The following IGSF9B variants were observed in gnomAD, a reference collection of about 807,000 sequenced individuals.
The protein encoded by IGSF9B is protein turtle homolog B.
IGSF9B carries 48 observed loss-of-function variants against 143.7 expected under a neutral mutation model. The ratio of observed to expected loss-of-function variants is 0.33; its 90% CI spans 0.26 to 0.42. The LOEUF is 0.42. Ranked by LOEUF, IGSF9B falls within the 20% of genes least tolerant of loss-of-function variation. The pLI, the probability that IGSF9B is intolerant of heterozygous loss-of-function variation, is 1.00. For missense variants in IGSF9B, 1,706 were observed against 1,980.0 expected, an observed-to-expected ratio of 0.86 and a Z score of 2.63; for synonymous variants, 903 against 833.1, an observed-to-expected ratio of 1.08 and a Z score of -1.44.
Position 133,931,358 on chromosome 11 carries a change from C to A in IGSF9B, c.1368+95G>T. The A allele has an allele frequency of 1.1e-6, 1 of 949,616 alleles. No individual in the cohort carries two copies. The allele number at this position is 949,616 out of a possible 1,614,324, so 58.8% of individuals were successfully genotyped here. A position where few individuals can be genotyped will look rare whatever the true frequency, so the allele number is the denominator to read the frequency against. ...TGGGCCCTCACACCTCCCCTCAGCC[C>A]CGGGGCTCGCTGGGCCCTCAAACCT... On this transcript the variant is annotated intron_variant, in intron 10 of 19. Coordinates refer to ENST00000533871, the MANE Select transcript of IGSF9B (RefSeq NM_001277285.4). The surrounding 1 kb of genome is among the most constrained non-coding windows in gnomAD (Gnocchi z 7.7).
rs1425464985 is a variant in IGSF9B at position 133,906,242 on chromosome 11, C to G, written c.*2827G>C. 6.6e-6 allele frequency among the ~76,000 whole-genome samples: 1 copy of G among 152,232 alleles called. No individual in the cohort carries two copies. The highest frequency in any genetic ancestry group is 1.5e-5 in the Non-Finnish European group (1 of 68,048). On this transcript the variant is annotated 3_prime_UTR_variant, in exon 20 of 20. Transcript: ENST00000533871. Reference sequence around the variant, plus strand: ...CATCACCCACATGCTCACAACCACGCTGTCACACATGCCCACACCCAGCAC... The same window carrying G: ...CATCACCCACATGCTCACAACCACGGTGTCACACATGCCCACACCCAGCAC...
chr11:133,936,646 G>A (rs1409609591), intron 5 of IGSF9B, among the ~76,000 whole-genome samples: 5 of 152,132 alleles, frequency 3.3e-5, no homozygotes, highest in South Asian at 4.1e-4. Context: ...GGGCAGCTGC[G>A]GCCAAGTCTC....
intron 5 of IGSF9B, 46 bp from the exon 6 acceptor site, chr11:133,936,240 G>T: frequency 6.3e-7 from 1 of 1,575,716 alleles, no homozygotes; most frequent in Non-Finnish European, 8.6e-7. Context: ...ATCAGGGACG[G>T]CAGCAGCACC....
At chr11:133,934,928 A>G (rs1207107220) in intron 7 of IGSF9B, among the ~76,000 whole-genome samples, 1 of 152,194 alleles carries the variant, frequency 6.6e-6, no homozygotes, top group South Asian at 2.1e-4. Flanking sequence ...CCACAAATCA[A>G]AAGGAAGATA....
intron 1 of IGSF9B, among the ~76,000 whole-genome samples, chr11:133,955,282 C>T (rs936053570): frequency 2.0e-5 from 3 of 152,200 alleles, no homozygotes; most frequent in African/African-American, 7.2e-5. Flanking sequence ...CTCAGTGTTC[C>T]CACCTGACAA....
intron 18 of IGSF9B, among the ~76,000 whole-genome samples, chr11:133,912,883 C>T (rs1473885246): frequency 1.3e-5 from 2 of 152,184 alleles, no homozygotes; most frequent in East Asian, 3.8e-4. Context: ...AGGACAGGGT[C>T]CACAGTCTGG....
chr11:133,944,251 G>A lies in IGSF9B; in HGVS notation c.378C>T (p.His126=), dbSNP rs746617684. 4.6e-5 allele frequency: 74 copies of A among 1,612,254 alleles called. No homozygotes were observed. Among genetic ancestry groups the A allele is most frequent in the Non-Finnish European group, 5.9e-5 (69 of 1,178,992 alleles). ...LMLDQQYDTF[H]NGSWVHLTIN... ...TGGTGAGGTGGACCCAGCTGCCATT[G>A]TGGAAGGTGTCATACTGCTGGTCCA... The change falls in exon 3 of 20, where the codon CAC becomes CAT. Residue 126 remains histidine, a synonymous_variant. Coordinates refer to ENST00000533871, the MANE Select transcript of IGSF9B (RefSeq NM_001277285.4).
chr11:133,929,846 G>T, intron 11 of IGSF9B, 64 bp from the exon 12 acceptor site: 1 of 1,101,390 alleles, frequency 9.1e-7, no homozygotes, highest in Non-Finnish European at 1.4e-6. Context: ...GGTGCCCACC[G>T]TCTGGCTGTG....
rs371884835 is a variant in IGSF9B at position 133,921,127 on chromosome 11, C to G, written c.2598G>C (p.Glu866Asp). ...GRFVMDPAEMEPSLKSRRIEG... is the reference protein window; with the variant it reads ...GRFVMDPAEMDPSLKSRRIEG... ...CGATGCGCCTGCTCTTCAGCGAGGG[C>G]TCCATCTCGGCAGGGTCCATCACGA... The change falls in exon 18 of 20, where the codon GAG becomes GAC. Residue 866 changes from glutamate (E) to aspartate (D), a missense_variant. This residue lies in a region of IGSF9B where 880 missense variants were observed against 762.9 expected (regional missense o/e 1.15). Coordinates refer to ENST00000533871, the MANE Select transcript of IGSF9B (RefSeq NM_001277285.4). 6.2e-7 allele frequency: 1 copy of G among 1,613,732 alleles called. No individual in the cohort carries two copies. The highest frequency in any genetic ancestry group is 8.5e-7 in the Non-Finnish European group (1 of 1,179,860).
intron 11 of IGSF9B, among the ~76,000 whole-genome samples, 180 bp downstream of exon 11, chr11:133,930,804 G>A (rs575143981): frequency 1.8e-3 from 272 of 152,028 alleles, no homozygotes; most frequent in African/African-American, 6.0e-3. Flanking sequence ...GCCCTTCCCC[G>A]ACAGAGCCCA....
At chr11:133,932,035 C>T (rs932665249) in intron 8 of IGSF9B, 36 bp downstream of exon 8, 24 of 1,589,150 alleles carry the variant, frequency 1.5e-5, no homozygotes, top group African/African-American at 8.0e-5. Flanking sequence ...TGGGGGGAGC[C>T]CTCACTCCAA....
At chr11:133,919,129 T>TGGGGGGGGGG (rs756305133) in intron 18 of IGSF9B, 22 of 175,916 alleles carry the variant, frequency 1.3e-4, no homozygotes, top group Middle Eastern at 1.5e-3. Context: ...GGGGGGGGGG[T>TGGGGGGGGGG]GGGGGACGTG....
chr11:133,911,541 A>G (rs1287369390), intron 19 of IGSF9B, among the ~76,000 whole-genome samples: 2 of 152,250 alleles, frequency 1.3e-5, no homozygotes, highest in Non-Finnish European at 2.9e-5. Context: ...CACTAAAATA[A>G]TAGGATACAT....
intron 13 of IGSF9B, among the ~76,000 whole-genome samples, chr11:133,926,176 G>A (rs908168962): frequency 3.3e-5 from 5 of 152,204 alleles, no homozygotes; most frequent in Non-Finnish European, 5.9e-5. Context: ...GGAACTATGG[G>A]GAAGGAGGAA....
Position 133,945,369 on chromosome 11 carries a change from C to T in IGSF9B, c.262+692G>A, listed in dbSNP as rs548236007. Among the ~76,000 whole-genome samples the T allele has an allele frequency of 3.9e-4, 59 of 152,340 alleles. No homozygotes were observed. Among genetic ancestry groups the T allele is most frequent in the African/African-American group, 1.4e-3 (58 of 41,582 alleles). On this transcript the variant is annotated intron_variant, in intron 2 of 19. Transcript: ENST00000533871. The surrounding 1 kb of genome is among the most constrained non-coding windows in gnomAD (Gnocchi z 4.6). ...AGCATTCTGAGAAAGGCAGGGCAGA[C>T]CTCAGAAGCCACCAGCAAAGATGAA...
intron 1 of IGSF9B, chr11:133,952,036 G>A (rs967706923): frequency 8.8e-6 from 4 of 455,450 alleles, no homozygotes; most frequent in Admixed American, 4.7e-5. Flanking sequence ...AGAAAGCCAG[G>A]CTGAGCGGGA....
Position 133,924,918 on chromosome 11 carries a change from G to T in IGSF9B, c.2035-14C>A. On this transcript the variant is annotated splice_polypyrimidine_tract_variant and intron_variant, in intron 14 of 19. Coordinates refer to ENST00000533871, the MANE Select transcript of IGSF9B (RefSeq NM_001277285.4). ...ATACCACGTGTCCTGCAGCCCCAGG[G>T]ACAATACCCAGTCAGCCGAGGGACC... is the stretch of plus-strand genomic sequence containing the variant. 1 of 1,611,396 alleles carries T rather than the reference G, an allele frequency of 6.2e-7. No homozygotes were observed. The highest frequency in any genetic ancestry group is 8.5e-7 in the Non-Finnish European group (1 of 1,178,318).
rs766942944 is a variant in IGSF9B at position 133,920,398 on chromosome 11, G to A, written c.3327C>T (p.Gly1109=). The part of the protein sequence containing the change: ...APKGWAGKSP[G]RGPVPAPPAA... ...CGGGGGGCGCTGGGACAGGGCCCCT[G>A]CCGGGCGACTTGCCTGCCCAACCCT... The change falls in exon 18 of 20, where the codon GGC becomes GGT. Residue 1109 remains glycine, a synonymous_variant. Transcript: ENST00000533871. The A allele has an allele frequency of 4.4e-5, 71 of 1,597,012 alleles. No homozygotes were observed. Among genetic ancestry groups the A allele is most frequent in the Non-Finnish European group, 5.1e-5 (60 of 1,173,032 alleles).
rs75990128 is a variant in IGSF9B at position 133,913,767 on chromosome 11, C to G, written c.3984-1760G>C. ...AGGGTGCAGGTGCCCGGGCGGGAGG[C>G]AGCACACCTTCCCAGTGTGGATAGC... On this transcript the variant is annotated intron_variant, in intron 18 of 19. Transcript: ENST00000533871. This position sits in a 1 kb window ranked among gnomAD's most constrained non-coding sequence, Gnocchi z 4.6. Among the ~76,000 whole-genome samples the G allele has an allele frequency of 0.034, 5,226 of 152,304 alleles. 162 individuals carry two copies. The highest frequency in any genetic ancestry group is 0.14 in the East Asian group (722 of 5,182).
Sources: gnomAD v4.1 joint callset for allele counts (sites outside exome capture counted in the v4.1 genomes callset) on GRCh38, gnomAD v4.1.1 for gene constraint, gnomAD v4.1.1 regional missense constraint, Gnocchi (gnomAD v3.1) non-coding constraint, MANE v1.5 for transcripts, NCBI Gene and HGNC (gene_info 2026-07-23, HGNC 2026-07-21) for gene names.